The following ULK4 variants were observed in gnomAD, a reference collection of about 807,000 sequenced individuals.
ULK4 encodes the protein unc-51 like kinase 4.
Under a neutral mutation model 160.6 loss-of-function variants are expected in ULK4, and 133 were observed. That is an observed-to-expected ratio of 0.83 (90% CI 0.72 to 0.96). The LOEUF is 0.96. Ranked by LOEUF, ULK4 falls within the 40% of genes least tolerant of loss-of-function variation. The pLI is 0.00. For synonymous variants in ULK4, 534 were observed against 539.8 expected (o/e 0.99, Z 0.15); for missense variants, 1,580 against 1,499.5 (o/e 1.05, Z -0.89).
chr3:41,469,348 C>T (rs1387136303), intron 32 of ULK4, among the ~76,000 whole-genome samples: 1 of 152,078 alleles, frequency 6.6e-6, no homozygotes, highest in African/African-American at 2.4e-5. Context: ...AACTACTGAA[C>T]TCAAATAGTA....
At chr3:41,267,039 T>A (rs2079049942) in intron 35 of ULK4, among the ~76,000 whole-genome samples, 1 of 126,180 alleles carries the variant, frequency 7.9e-6, no homozygotes, top group African/African-American at 2.8e-5. Context: ...GGTTTAAGGC[T>A]TTTTTTTTTT....
At chr3:41,645,034 G>A (rs2034416367) in intron 30 of ULK4, among the ~76,000 whole-genome samples, 1 of 151,626 alleles carries the variant, frequency 6.6e-6, no homozygotes, top group African/African-American at 2.4e-5. Flanking sequence ...GGGATCGGTG[G>A]TGATATCCCC....
At chr3:41,306,495 G>A (rs1414044260) in intron 35 of ULK4, among the ~76,000 whole-genome samples, 5 of 139,730 alleles carry the variant, frequency 3.6e-5, no homozygotes, top group East Asian at 2.1e-4. Flanking sequence ...CCCCCCGCCC[G>A]GCCAGCCGCC....
chr3:41,526,847 T>C (rs1194712155), intron 32 of ULK4, among the ~76,000 whole-genome samples: 1 of 152,228 alleles, frequency 6.6e-6, no homozygotes, highest in Admixed American at 6.5e-5. Flanking sequence ...TGTGTTTCTG[T>C]TGTTTTACAC....
intron 29 of ULK4, among the ~76,000 whole-genome samples, chr3:41,669,985 C>A (rs2035481857): frequency 6.6e-6 from 1 of 152,154 alleles, no homozygotes; most frequent in African/African-American, 2.4e-5. Flanking sequence ...AGGCAAGAAG[C>A]AAAACCTGAG....
chr3:41,537,516 T>C (rs1006683434), intron 32 of ULK4, among the ~76,000 whole-genome samples: 8 of 152,204 alleles, frequency 5.3e-5, no homozygotes, highest in African/African-American at 1.7e-4. Context: ...ATCCATGATC[T>C]AGAGGCTGAA....
intron 35 of ULK4, among the ~76,000 whole-genome samples, chr3:41,278,585 C>T (rs1482949986): frequency 6.6e-6 from 1 of 152,082 alleles, no homozygotes; most frequent in Non-Finnish European, 1.5e-5. Context: ...CCCTCTGGGA[C>T]AAAGCTTCCA....
intron 19 of ULK4, among the ~76,000 whole-genome samples, chr3:41,801,733 C>A (rs1393764673): frequency 6.6e-6 from 1 of 151,836 alleles, no homozygotes; most frequent in African/African-American, 2.4e-5. Context: ...TGCCTATACT[C>A]CCAGCCACCT....
intron 29 of ULK4, among the ~76,000 whole-genome samples, chr3:41,668,279 A>G (rs1049227374): frequency 1.3e-5 from 2 of 152,234 alleles, no homozygotes; most frequent in African/African-American, 4.8e-5. Context: ...ATGAAAGGCT[A>G]GACTACATTA....
At chr3:41,648,807 T>C (rs1374156536) in intron 30 of ULK4, among the ~76,000 whole-genome samples, 1 of 152,070 alleles carries the variant, frequency 6.6e-6, no homozygotes, top group Non-Finnish European at 1.5e-5. Flanking sequence ...TTTTACCCTT[T>C]CCAGGAGAGA....
intron 21 of ULK4, among the ~76,000 whole-genome samples, chr3:41,758,509 T>C (rs1559531498): frequency 6.6e-6 from 1 of 152,170 alleles, no homozygotes; most frequent in African/African-American, 2.4e-5. Flanking sequence ...TATAAGCACG[T>C]TGATCCAGAA....
Position 41,707,734 on chromosome 3 carries a change from T to G in ULK4, c.2635-2429A>C, listed in dbSNP as rs1034687612. On this transcript the variant is annotated intron_variant, in intron 25 of 36. Coordinates refer to ENST00000301831, the MANE Select transcript of ULK4 (RefSeq NM_017886.4). ...AGCCTTAGCTACTCAGAGGCTGAGG[T>G]GGAGGATCACTCGGGCCCAGGAGAT... 2.6e-5 allele frequency among the ~76,000 whole-genome samples: 4 copies of G among 151,492 alleles called. No homozygotes were observed. The East Asian group carries it at 7.8e-4, about 29-fold the overall frequency.
At chr3:41,567,158 G>C (rs1027020080) in intron 31 of ULK4, among the ~76,000 whole-genome samples, 2 of 152,164 alleles carry the variant, frequency 1.3e-5, no homozygotes, top group African/African-American at 4.8e-5. Flanking sequence ...AGAAACATAT[G>C]GTTTGCTGTT....
intron 35 of ULK4, among the ~76,000 whole-genome samples, chr3:41,327,165 G>A (rs768870629): frequency 4.6e-5 from 7 of 152,022 alleles, no homozygotes; most frequent in East Asian, 3.9e-4. Flanking sequence ...ATAAATCCCC[G>A]GCTTCTAGGA....
At chr3:41,386,454 C>T (rs1429729355) in intron 35 of ULK4, among the ~76,000 whole-genome samples, 20 of 152,060 alleles carry the variant, frequency 1.3e-4, no homozygotes, top group Non-Finnish European at 7.4e-5. Context: ...TATGAAGTGG[C>T]GTCCACAAAC....
At chr3:41,291,451 G>GAAGAGGAGGA (rs1486016832) in intron 35 of ULK4, among the ~76,000 whole-genome samples, 13 of 136,320 alleles carry the variant, frequency 9.5e-5, no homozygotes, top group Admixed American at 2.2e-4. Context: ...GGAGGAGAGG[G>GAAGAGGAGGA]GAGGGAAGAA....
intron 22 of ULK4, among the ~76,000 whole-genome samples, chr3:41,733,151 T>A (rs566890600): frequency 6.6e-6 from 1 of 152,288 alleles, no homozygotes; most frequent in East Asian, 1.9e-4. Context: ...TTTGCAGTGA[T>A]ATGCTATATA....
intron 34 of ULK4, among the ~76,000 whole-genome samples, chr3:41,418,241 T>C (rs1002342769): frequency 6.6e-6 from 1 of 151,612 alleles, no homozygotes; most frequent in African/African-American, 2.4e-5. Flanking sequence ...TAGCCTACTG[T>C]TGATTGGAGG....
At chr3:41,364,512 A>AT (rs554025425) in intron 35 of ULK4, among the ~76,000 whole-genome samples, 43 of 151,870 alleles carry the variant, frequency 2.8e-4, no homozygotes, top group African/African-American at 9.2e-4. Context: ...TTAAATCAAT[A>AT]TTTTTTTTTC....
Sources: gnomAD v4.1 joint callset for allele counts (sites outside exome capture counted in the v4.1 genomes callset) on GRCh38, gnomAD v4.1.1 for gene constraint, MANE v1.5 for transcripts, NCBI Gene and HGNC (gene_info 2026-07-23, HGNC 2026-07-21) for gene names.